KIF1B: variants seen among roughly 807,000 people sequenced by gnomAD.
KIF1B encodes kinesin family member 1B.
A neutral mutation model predicts 241.9 loss-of-function variants in KIF1B; 76 were observed. The ratio of observed to expected loss-of-function variants is 0.31; its 90% CI spans 0.26 to 0.38. The LOEUF is 0.38. Among genes scored for constraint, KIF1B ranks in the 10% least tolerant of loss-of-function variants. The probability of loss-of-function intolerance (pLI) is 1.00; values close to 1 mark genes in which losing one functional copy is unlikely to be tolerated. For missense variants in KIF1B, 1,622 were observed against 2,271.4 expected (o/e 0.71, Z 5.81); for synonymous variants, 750 against 796.7 (o/e 0.94, Z 0.99).
chr1:10,264,270 A>G (rs961817373), intron 5 of KIF1B, among the ~76,000 whole-genome samples: 3 of 152,110 alleles, frequency 2.0e-5, no homozygotes, highest in African/African-American at 7.2e-5. Context: ...TGTCTGCTTT[A>G]TTTAGTGGTG....
chr1:10,351,073 CAA>C (rs35072176), intron 37 of KIF1B, among the ~76,000 whole-genome samples: 7 of 104,630 alleles, frequency 6.7e-5, no homozygotes, highest in Admixed American at 1.0e-4. Flanking sequence ...AAGACCCTGT[CAA>C]AAAAAAAAAA....
In KIF1B at chr1:10,374,272, G is replaced by A. The variant is rs1202883646; in HGVS notation, c.4947-44G>A. On this transcript the variant is annotated intron_variant, in intron 45 of 48. Coordinates refer to ENST00000676179, the MANE Select transcript of KIF1B (RefSeq NM_001365951.3). The surrounding 1 kb of genome is among the most constrained non-coding windows in gnomAD (Gnocchi z 4.3). Reference sequence around the variant, plus strand: ...TACTCAGTATGCCTTGATTGTAACTGATTCTCTTGTTACCCTTTTCTTTCT... The same window carrying A: ...TACTCAGTATGCCTTGATTGTAACTAATTCTCTTGTTACCCTTTTCTTTCT... 3.1e-6 allele frequency: 5 copies of A among 1,595,902 alleles called. No homozygotes were observed. The highest frequency in any genetic ancestry group is 1.7e-5 in the Admixed American group (1 of 59,992).
chr1:10,324,995 A>G (rs1651674953), intron 26 of KIF1B, 100 bp downstream of exon 26: 1 of 1,307,234 alleles, frequency 7.6e-7, no homozygotes. Flanking sequence ...GGAAAAAAAA[A>G]GGTGTAAAAA....
chr1:10,378,437 C>A lies in KIF1B; in HGVS notation c.*1850C>A, dbSNP rs996526410. 7 of 717,698 alleles carry A rather than the reference C, an allele frequency of 9.8e-6. No homozygotes were observed. The highest frequency in any genetic ancestry group is 4.0e-5 in the Admixed American group (2 of 50,002). The allele number at this position is 717,698 out of a possible 1,614,324, so 44.5% of individuals were successfully genotyped here. ...GATGAGAGGGGAAAAAGAAAGCCTC[C>A]AGTGACTTCAGTTGCTTTGCCAGTT... On this transcript the variant is annotated 3_prime_UTR_variant, in exon 49 of 49. Transcript: ENST00000676179.
chr1:10,217,624 CTCTT>C (rs976419374), intron 1 of KIF1B, among the ~76,000 whole-genome samples: 1 of 151,980 alleles, frequency 6.6e-6, no homozygotes, highest in African/African-American at 2.4e-5. Flanking sequence ...GCTGCTCTTA[CTCTT>C]TCTTCTGCCT....
intron 13 of KIF1B, chr1:10,278,876 C>T: frequency 4.2e-6 from 2 of 471,428 alleles, no homozygotes; most frequent in Non-Finnish European, 7.6e-6. Flanking sequence ...AACTTATATT[C>T]CTTGAAGTTC....
intron 12 of KIF1B, 110 bp from the exon 13 acceptor site, chr1:10,277,876 C>A: frequency 1.1e-6 from 1 of 939,864 alleles, no homozygotes; most frequent in South Asian, 1.4e-5. Context: ...ATTATCAAGG[C>A]TCATAAAATG....
chr1:10,312,359 A>G (rs1651104723), intron 22 of KIF1B, among the ~76,000 whole-genome samples: 1 of 151,432 alleles, frequency 6.6e-6, no homozygotes, highest in African/African-American at 2.5e-5. Flanking sequence ...AAGCCACCAC[A>G]GTGCTGGACA....
rs781575666 is a variant in KIF1B, at chr1:10,374,472, A to G, written c.5096+7A>G. The G allele has an allele frequency of 4.3e-6, 7 of 1,614,156 alleles. No individual in the cohort carries two copies. Among genetic ancestry groups the G allele is most frequent in the Non-Finnish European group, 5.9e-6 (7 of 1,180,010 alleles). On this transcript the variant is annotated splice_region_variant and intron_variant, in intron 46 of 48. Coordinates refer to ENST00000676179, the MANE Select transcript of KIF1B (RefSeq NM_001365951.3). The surrounding 1 kb of genome is among the most constrained non-coding windows in gnomAD (Gnocchi z 4.3). ...TTGAAGAAATTAGACCAAGGTGAGT[A>G]CTATATTGAGCAGGAATGCCAGCTA...
intron 14 of KIF1B, among the ~76,000 whole-genome samples, 175 bp from the exon 15 acceptor site, chr1:10,282,144 ATGT>A (rs1649434962): frequency 6.6e-6 from 1 of 152,234 alleles, no homozygotes; most frequent in Non-Finnish European, 1.5e-5. Flanking sequence ...AAAGACAGAC[ATGT>A]TTTAGAACTG....
At chr1:10,356,319 C>T (rs866823264) in intron 38 of KIF1B, among the ~76,000 whole-genome samples, 8 of 152,016 alleles carry the variant, frequency 5.3e-5, no homozygotes, top group East Asian at 3.9e-4. Context: ...GAGCCGAGAT[C>T]GCGCCACTGC....
intron 27 of KIF1B, among the ~76,000 whole-genome samples, chr1:10,332,718 T>A (rs1435331216): frequency 6.6e-6 from 1 of 151,378 alleles, no homozygotes; most frequent in Non-Finnish European, 1.5e-5. Flanking sequence ...AGTTTCACCG[T>A]GTTAGCCAGG....
chr1:10,291,439 G>T lies in KIF1B; in HGVS notation c.1514+278G>T, dbSNP rs559007391. On this transcript the variant is annotated intron_variant, in intron 16 of 48. Transcript: ENST00000676179. ...AAAATGGAACATATTGGCCAGGCGC[G>T]GTGGCTCACGCCTGTAATGCCAGCA... 4.6e-5 allele frequency among the ~76,000 whole-genome samples: 7 copies of T among 152,178 alleles called. 2 individuals carry two copies. The highest frequency in any genetic ancestry group is 1.7e-4 in the African/African-American group (7 of 41,524).
chr1:10,273,934 CTTTTTTTTT>C (rs35845856), intron 10 of KIF1B, among the ~76,000 whole-genome samples: 1 of 116,814 alleles, frequency 8.6e-6, no homozygotes, highest in Non-Finnish European at 1.7e-5. Flanking sequence ...TTAGTAGCTT[CTTTTTTTTT>C]TTTTTTTTTT....
intron 15 of KIF1B, among the ~76,000 whole-genome samples, chr1:10,285,269 A>G (rs1033478494): frequency 6.6e-6 from 1 of 152,222 alleles, no homozygotes; most frequent in African/African-American, 2.4e-5. Flanking sequence ...CTTAGCTCTT[A>G]CACTTGAGAT....
At position 10,337,330 on chromosome 1, in the gene KIF1B, C is replaced by G; in HGVS notation, c.3260-41C>G. ...AGCATGCCCAACTCCCTCCTCTTTG[C>G]ATTATTTGAACCATCTGTGTCTTCA... On this transcript the variant is annotated intron_variant, in intron 30 of 48. Coordinates refer to ENST00000676179, the MANE Select transcript of KIF1B (RefSeq NM_001365951.3). This position sits in a 1 kb window ranked among gnomAD's most constrained non-coding sequence, Gnocchi z 4.0. The G allele has an allele frequency of 6.2e-7, 1 of 1,613,760 alleles. No individual in the cohort carries two copies. The highest frequency in any genetic ancestry group is 8.5e-7 in the Non-Finnish European group (1 of 1,179,618).
chr1:10,260,252 C>T (rs2102190580), intron 4 of KIF1B, among the ~76,000 whole-genome samples: 1 of 152,182 alleles, frequency 6.6e-6, no homozygotes, highest in South Asian at 2.1e-4. Flanking sequence ...TATATCTAAA[C>T]ATAGAAAAGT....
At chr1:10,241,959 G>A (rs1185778328) in intron 2 of KIF1B, among the ~76,000 whole-genome samples, 1 of 152,102 alleles carries the variant, frequency 6.6e-6, no homozygotes, top group African/African-American at 2.4e-5. Context: ...AGACAAAGTG[G>A]GCATTCATAG....
Position 10,378,399 on chromosome 1 carries a change from G to T in KIF1B, c.*1812G>T, listed in dbSNP as rs528676021. ...ATAAGTCTGTCTCTTTCAGCTGCCA[G>T]TAAGTTTTCCAGGATGAGAGGGGAA... On this transcript the variant is annotated 3_prime_UTR_variant, in exon 49 of 49. Transcript: ENST00000676179. The T allele has an allele frequency of 4.9e-5, 35 of 718,036 alleles. 1 individual carries two copies. The South Asian group carries it at 4.9e-4, about 10-fold the overall frequency. The allele number at this position is 718,036 out of a possible 1,614,324, so 44.5% of individuals were successfully genotyped here.
Sources: allele counts gnomAD v4.1 joint callset (sites outside exome capture counted in the v4.1 genomes callset), GRCh38; gene constraint gnomAD v4.1.1; non-coding constraint Gnocchi (gnomAD v3.1); transcripts MANE v1.5; gene names NCBI Gene and HGNC (gene_info 2026-07-23, HGNC 2026-07-21).